Variants in TYK2 observed in about 807,000 individuals in gnomAD.
The protein encoded by TYK2 is non-receptor tyrosine-protein kinase TYK2.
TYK2 carries 65 observed loss-of-function variants against 130.9 expected under a neutral mutation model. That is an observed-to-expected ratio of 0.50 (90% CI 0.41 to 0.61). TYK2 has a LOEUF of 0.61. TYK2 is among the 20% of genes least tolerant of loss of function. The pLI, the probability that TYK2 is intolerant of heterozygous loss-of-function variation, is 0.00. For synonymous variants in TYK2, 647 were observed against 658.9 expected (o/e 0.98, Z 0.28); for missense variants, 1,378 against 1,610.7 (o/e 0.86, Z 2.47).
chr19:10,363,431 C>T (rs187055630), intron 9 of TYK2, among the ~76,000 whole-genome samples: 42 of 152,276 alleles, frequency 2.8e-4, no homozygotes, highest in African/African-American at 9.4e-4. Flanking sequence ...TCTCCCACCT[C>T]GGCCTCCTAA....
Position 10,357,873 on chromosome 19 carries a change from C to T in TYK2, c.2357G>A (p.Gly786Asp), listed in dbSNP as rs773804132. The T allele has an allele frequency of 1.1e-5, 18 of 1,613,428 alleles. No individual in the cohort carries two copies. The highest frequency in any genetic ancestry group is 1.7e-5 in the Admixed American group (1 of 59,990). Residue 786 changes from glycine (G) to aspartate (D), a missense_variant, in exon 17 of 25, where the codon GGT becomes GAT. Gly to Asp is a moderately conservative substitution (Grantham distance 94). Coordinates refer to ENST00000525621, the MANE Select transcript of TYK2 (RefSeq NM_003331.5). ...IPWLAPECLP[G>D]GANSLSTAMD... ...GGCGGTGCTTAGGCTGTTGGCCCCA[C>T]CTGGTAGGCATTCGGGGGCCAGCCA...
At position 10,354,216 on chromosome 19, in the gene TYK2, T is replaced by C. The variant is rs771188635; in HGVS notation, c.2734A>G (p.Ser912Gly). 10 of 1,613,010 alleles carry C rather than the reference T, an allele frequency of 6.2e-6. No homozygotes were observed. In the Admixed American group the frequency reaches 1.0e-4, roughly 16 times the overall value. Residue 912 changes from serine to glycine, a missense_variant, in exon 20 of 25, where the codon AGC becomes GGC. By Grantham distance (56) the Ser-to-Gly change is moderately conservative. Coordinates refer to ENST00000525621, the MANE Select transcript of TYK2 (RefSeq NM_003331.5). Reference protein sequence around the residue: ...DLGEGHFGKVSLYCYDPTNDG... With the variant: ...DLGEGHFGKVGLYCYDPTNDG... ...TTGGTCGGATCGTAGCAGTACAAGC[T>C]GACCTTGCCGAAGTGACCCTGGTCG...
intron 15 of TYK2, among the ~76,000 whole-genome samples, chr19:10,358,737 T>A (rs998877391): frequency 6.6e-6 from 1 of 151,922 alleles, no homozygotes; most frequent in African/African-American, 2.4e-5. Flanking sequence ...ATTACAGGTA[T>A]GAGCCACCAC....
chr19:10,361,769 C>A lies in TYK2; in HGVS notation c.1959+1G>T. On this transcript the variant is annotated splice_donor_variant, in intron 13 of 24. Coordinates refer to ENST00000525621, the MANE Select transcript of TYK2 (RefSeq NM_003331.5). LOFTEE classifies it high-confidence loss of function. This position sits in a 1 kb window ranked among gnomAD's most constrained non-coding sequence, Gnocchi z 4.0. The stretch of plus-strand genomic sequence containing the variant: ...CCCCAGGCCTGGCCCTGCCCACTCA[C>A]CAGGGCGATGTCATGGTGACTAGGG... The A allele has an allele frequency of 6.2e-7, 1 of 1,613,306 alleles. No homozygotes were observed. Among genetic ancestry groups the A allele is most frequent in the South Asian group, 1.1e-5 (1 of 91,078 alleles).
At position 10,354,136 on chromosome 19, in the gene TYK2, G is replaced by A; in HGVS notation, c.2814C>T (p.Pro938=). 6.2e-7 allele frequency: 1 copy of A among 1,614,092 alleles called. No homozygotes were observed. The highest frequency in any genetic ancestry group is 8.5e-7 in the Non-Finnish European group (1 of 1,180,034). ...CCTGCTTCCAGCCCGAGCGGTGCTG[G>A]GGGCCGCAGTCTGCCTTGAGGGCTT... ...AVKALKADCG[P]QHRSGWKQEI... Residue 938 remains proline, a synonymous_variant, in exon 20 of 25, where the codon CCC becomes CCT. Coordinates refer to ENST00000525621, the MANE Select transcript of TYK2 (RefSeq NM_003331.5).
intron 2 of TYK2, 81 bp downstream of exon 2, chr19:10,379,534 A>AATAC (rs1313047278): frequency 6.6e-6 from 1 of 151,032 alleles, no homozygotes; most frequent in Non-Finnish European, 1.5e-5. Context: ...TAAATAAATA[A>AATAC]ATAAATAAAA....
intron 17 of TYK2, 142 bp downstream of exon 17, chr19:10,357,622 C>T (rs1482474833): frequency 4.3e-6 from 5 of 1,176,396 alleles, no homozygotes; most frequent in Non-Finnish European, 6.1e-6. Flanking sequence ...TGAGCCCCAG[C>T]GAGTGGCCCA....
intron 3 of TYK2, chr19:10,368,725 C>T (rs771912321): frequency 2.5e-6 from 1 of 395,966 alleles, no homozygotes; most frequent in Non-Finnish European, 4.8e-6. Flanking sequence ...CCTTCACCAC[C>T]CGAGGTATGA....
Position 10,361,176 on chromosome 19 carries a change from T to C in TYK2, c.2047+335A>G, listed in dbSNP as rs1378352539. 6 of 529,748 alleles carry C rather than the reference T, an allele frequency of 1.1e-5. No individual in the cohort carries two copies. Among genetic ancestry groups the C allele is most frequent in the Admixed American group, 8.3e-5 (3 of 36,048 alleles). 32.8% of individuals were successfully genotyped at this position (529,748 alleles called of 1,614,324 possible). On this transcript the variant is annotated intron_variant, in intron 14 of 24. Transcript: ENST00000525621. This position sits in a 1 kb window ranked among gnomAD's most constrained non-coding sequence, Gnocchi z 4.0. ...CAGCACTGGAGTCTGCCTGAGGCCA[T>C]AGTGCTGATGGGGCCAGGAGCAGAT...
chr19:10,378,175 C>T, intron 3 of TYK2, 39 bp downstream of exon 3: 1 of 1,607,450 alleles, frequency 6.2e-7, no homozygotes, highest in Non-Finnish European at 8.5e-7. Context: ...TGCTTGCACA[C>T]CCACCCCAGT....
chr19:10,359,140 C>T (rs753873070), intron 15 of TYK2, 35 bp downstream of exon 15: 3 of 1,597,186 alleles, frequency 1.9e-6, no homozygotes, highest in African/African-American at 2.7e-5. Flanking sequence ...CTGGCCCTCC[C>T]TGACCGACCC....
In TYK2 at chr19:10,365,493, G is replaced by C. The variant is rs746343631; in HGVS notation, c.1011+24C>G. On this transcript the variant is annotated intron_variant, in intron 7 of 24. Transcript: ENST00000525621. ...CACCCCAGCCCAACCTGAACCCCCA[G>C]GGCGGAAGGGGCGCCTTGCTCACCT... 5 of 1,613,094 alleles carry C rather than the reference G, an allele frequency of 3.1e-6. No homozygotes were observed. In the South Asian group the frequency reaches 3.3e-5, roughly 11 times the overall value.
At chr19:10,359,989 C>T (rs930649300) in intron 14 of TYK2, among the ~76,000 whole-genome samples, 20 of 146,794 alleles carry the variant, frequency 1.4e-4, no homozygotes, top group Non-Finnish European at 2.8e-4. Context: ...CCAGCCTGGG[C>T]GATAGAGCAA....
intron 22 of TYK2, 45 bp from the exon 23 acceptor site, chr19:10,352,596 G>T: frequency 1.0e-6 from 1 of 973,252 alleles, no homozygotes; most frequent in Non-Finnish European, 1.6e-6. Flanking sequence ...TGCACTGAGG[G>T]CTTGGGGATC....
At chr19:10,370,290 C>T (rs1253605062) in intron 3 of TYK2, among the ~76,000 whole-genome samples, 1 of 149,740 alleles carries the variant, frequency 6.7e-6, no homozygotes, top group African/African-American at 2.5e-5. Context: ...ACCCGGGAGG[C>T]GGAGGTTGCA....
intron 9 of TYK2, among the ~76,000 whole-genome samples, chr19:10,362,888 G>A (rs1257127568): frequency 6.6e-6 from 1 of 152,076 alleles, no homozygotes; most frequent in African/African-American, 2.4e-5. Context: ...GTATTTTTTA[G>A]ACGGATTTTC....
At chr19:10,354,909 A>G (rs1412782124) in intron 18 of TYK2, among the ~76,000 whole-genome samples, 1 of 151,420 alleles carries the variant, frequency 6.6e-6, no homozygotes, top group African/African-American at 2.4e-5. Context: ...AAAAAAAATT[A>G]GCCAGGTGTG....
chr19:10,362,153 C>T lies in TYK2; in HGVS notation c.1698G>A (p.Gly566=), dbSNP rs72561469. 1 of 1,614,020 alleles carries T rather than the reference C, an allele frequency of 6.2e-7. No individual in the cohort carries two copies. The highest frequency in any genetic ancestry group is 8.5e-7 in the Non-Finnish European group (1 of 1,180,016). The change falls in exon 12 of 25, where the codon GGG becomes GGA. Residue 566 remains glycine (G), a synonymous_variant. Coordinates refer to ENST00000525621, the MANE Select transcript of TYK2 (RefSeq NM_003331.5). ...TGAGTGTCCTGGGGCTGGCCCGAGCCCCCCGCATGATGATGAGATTGGAGG... is the reference window on the plus strand; with the variant it reads ...TGAGTGTCCTGGGGCTGGCCCGAGCTCCCCGCATGATGATGAGATTGGAGG... ...GETSNLIIMR[G]ARASPRTLNL... is the part of the protein sequence containing the mutation.
Position 10,361,187 on chromosome 19 carries a change from G to C in TYK2, c.2047+324C>G. On this transcript the variant is annotated intron_variant, in intron 14 of 24. Coordinates refer to ENST00000525621, the MANE Select transcript of TYK2 (RefSeq NM_003331.5). This position sits in a 1 kb window ranked among gnomAD's most constrained non-coding sequence, Gnocchi z 4.0. ...TCTGCCTGAGGCCATAGTGCTGATG[G>C]GGCCAGGAGCAGATGGGGGCTGGAC... 1 of 542,342 alleles carries C rather than the reference G, an allele frequency of 1.8e-6. No individual in the cohort carries two copies. The highest frequency in any genetic ancestry group is 3.4e-6 in the Non-Finnish European group (1 of 292,816). 33.6% of individuals were successfully genotyped at this position (542,342 alleles called of 1,614,324 possible). A position where few individuals can be genotyped will look rare whatever the true frequency, so the allele number is the denominator to read the frequency against.
Sources: allele counts gnomAD v4.1 joint callset (sites outside exome capture counted in the v4.1 genomes callset), GRCh38; gene constraint gnomAD v4.1.1; non-coding constraint Gnocchi (gnomAD v3.1); transcripts MANE v1.5; gene names NCBI Gene and HGNC (gene_info 2026-07-23, HGNC 2026-07-21).